Variants in ARNT2 observed in about 807,000 individuals in gnomAD.
ARNT2 encodes the protein ARNT protein 2.
A neutral mutation model predicts 91.7 loss-of-function variants in ARNT2; 36 were observed. That is an observed-to-expected ratio of 0.39 (90% CI 0.30 to 0.52). The LOEUF (loss-of-function observed/expected upper bound fraction) is 0.52, where lower values mean the gene tolerates loss of function less well. ARNT2 is among the 20% of genes least tolerant of loss of function. The pLI, the probability that ARNT2 is intolerant of heterozygous loss-of-function variation, is 0.72. For missense variants in ARNT2, 775 were observed against 939.3 expected (o/e 0.83, Z 2.29); for synonymous variants, 365 against 347.1 (o/e 1.05, Z -0.57).
intron 8 of ARNT2, among the ~76,000 whole-genome samples, chr15:80,522,795 C>CGTGT (rs1566992724): frequency 5.5e-5 from 7 of 127,226 alleles, no homozygotes; most frequent in Middle Eastern, 3.9e-3. Context: ...TTGATATTTA[C>CGTGT]ATATGTGTGT....
chr15:80,553,068 A>G (rs996151001), intron 10 of ARNT2, among the ~76,000 whole-genome samples: 1 of 152,232 alleles, frequency 6.6e-6, no homozygotes, highest in African/African-American at 2.4e-5. Context: ...TCTTATTAAT[A>G]TTCATTACAA....
intron 15 of ARNT2, 76 bp downstream of exon 15, chr15:80,577,041 C>A: frequency 7.0e-7 from 1 of 1,422,100 alleles, no homozygotes; most frequent in Non-Finnish European, 9.9e-7. Flanking sequence ...CAGAGCACAG[C>A]TCTGTGGGCT....
Position 80,513,901 on chromosome 15 carries a change from C to T in ARNT2, c.726-10C>T. The T allele has an allele frequency of 6.2e-7, 1 of 1,610,028 alleles. No individual in the cohort carries two copies. ...TCTTTGCTCATTCTAATACACTTGTCACATCTTAGGTGTGGAAATGCTCCT... is the reference window on the plus strand; with the variant it reads ...TCTTTGCTCATTCTAATACACTTGTTACATCTTAGGTGTGGAAATGCTCCT... On this transcript the variant is annotated splice_polypyrimidine_tract_variant and intron_variant, in intron 6 of 18. Coordinates refer to ENST00000303329, the MANE Select transcript of ARNT2 (RefSeq NM_014862.4).
At chr15:80,479,757 G>A (rs879395311) in intron 5 of ARNT2, among the ~76,000 whole-genome samples, 3 of 152,132 alleles carry the variant, frequency 2.0e-5, no homozygotes, top group African/African-American at 7.2e-5. Context: ...AGTGGTTGCC[G>A]CAAACATCCT....
rs1171018510 is a variant in ARNT2, at chr15:80,513,901, C to A, written c.726-10C>A. On this transcript the variant is annotated splice_polypyrimidine_tract_variant and intron_variant, in intron 6 of 18. Coordinates refer to ENST00000303329, the MANE Select transcript of ARNT2 (RefSeq NM_014862.4). ...TCTTTGCTCATTCTAATACACTTGT[C>A]ACATCTTAGGTGTGGAAATGCTCCT... 1 of 1,610,028 alleles carries A rather than the reference C, an allele frequency of 6.2e-7. No individual in the cohort carries two copies. The highest frequency in any genetic ancestry group is 8.5e-7 in the Non-Finnish European group (1 of 1,176,340).
intron 1 of ARNT2, among the ~76,000 whole-genome samples, chr15:80,432,830 T>A (rs1896029877): frequency 6.6e-6 from 1 of 152,090 alleles, no homozygotes; most frequent in South Asian, 2.1e-4. Context: ...AAGCTCATGC[T>A]CCCCTATCTT....
intron 8 of ARNT2, among the ~76,000 whole-genome samples, chr15:80,523,416 G>A (rs1393619311): frequency 6.6e-6 from 1 of 152,110 alleles, no homozygotes; most frequent in East Asian, 1.9e-4. Flanking sequence ...AGCCTTGTGG[G>A]GGCAGAGGAA....
chr15:80,582,232 T>C lies in ARNT2; in HGVS notation c.1918+828T>C, dbSNP rs189648050. Among the ~76,000 whole-genome samples the C allele has an allele frequency of 2.9e-3, 441 of 151,508 alleles. 3 individuals are homozygous for C. The highest frequency in any genetic ancestry group is 1.0e-2 in the African/African-American group (412 of 41,236). On this transcript the variant is annotated intron_variant, in intron 17 of 18. Transcript: ENST00000303329. ...TGCAGGCAGGGCGCGGTGACTCACA[T>C]CTGTAATCCCAGCACTTTGAAAGGT...
At chr15:80,537,161 T>C (rs1360721993) in intron 8 of ARNT2, among the ~76,000 whole-genome samples, 2 of 152,216 alleles carry the variant, frequency 1.3e-5, no homozygotes, top group South Asian at 2.1e-4. Flanking sequence ...TCACCAGTTC[T>C]GCCACCAGCT....
intron 3 of ARNT2, among the ~76,000 whole-genome samples, chr15:80,466,830 A>G (rs988643378): frequency 5.3e-5 from 8 of 152,264 alleles, no homozygotes; most frequent in Non-Finnish European, 8.8e-5. Flanking sequence ...TTTCTGGACT[A>G]GGCAATAAAT....
intron 12 of ARNT2, among the ~76,000 whole-genome samples, chr15:80,569,838 A>G (rs896455035): frequency 2.0e-5 from 3 of 152,154 alleles, no homozygotes; most frequent in African/African-American, 7.2e-5. Flanking sequence ...TTTGTGCCCC[A>G]CTTCGCCCCT....
chr15:80,561,421 C>T (rs1425316297), intron 11 of ARNT2, among the ~76,000 whole-genome samples: 10 of 152,178 alleles, frequency 6.6e-5, no homozygotes, highest in Admixed American at 6.5e-4. Flanking sequence ...TATATCCCTT[C>T]TTCCATTTGT....
chr15:80,549,735 C>T (rs1898050522), intron 8 of ARNT2, among the ~76,000 whole-genome samples: 1 of 152,158 alleles, frequency 6.6e-6, no homozygotes, highest in Non-Finnish European at 1.5e-5. Flanking sequence ...GGAAGCAGAC[C>T]TCCTATACAT....
At chr15:80,568,982 G>C (rs1037150501) in intron 12 of ARNT2, among the ~76,000 whole-genome samples, 5 of 152,152 alleles carry the variant, frequency 3.3e-5, no homozygotes, top group African/African-American at 1.2e-4. Context: ...GGACCGTGCT[G>C]CTCCCTGCCC....
chr15:80,514,212 C>A, intron 7 of ARNT2, 108 bp from the exon 8 acceptor site: 2 of 1,221,674 alleles, frequency 1.6e-6, no homozygotes, highest in Admixed American at 1.8e-5. Context: ...AGATTCAAAA[C>A]CACAAAGGCA....
rs563098542 is a variant in ARNT2, at chr15:80,463,392, T to C, written c.194+5416T>C. On this transcript the variant is annotated intron_variant, in intron 3 of 18. Transcript: ENST00000303329. ...TCCCTGCCTCTACAGTCTCAGTTCA[T>C]ATGAACCAGACAAGTGTTGCAGATA... Among the ~76,000 whole-genome samples the C allele has an allele frequency of 7.2e-5, 11 of 152,246 alleles. No homozygotes were observed. In the East Asian group the frequency reaches 2.1e-3, roughly 29 times the overall value.
intron 1 of ARNT2, among the ~76,000 whole-genome samples, chr15:80,416,145 C>T (rs1895782272): frequency 6.6e-6 from 1 of 152,242 alleles, no homozygotes; most frequent in South Asian, 2.1e-4. Flanking sequence ...ATGTGTCCAT[C>T]ACAAGGTTTT....
intron 3 of ARNT2, among the ~76,000 whole-genome samples, chr15:80,467,101 T>C (rs922478870): frequency 1.3e-5 from 2 of 152,124 alleles, no homozygotes; most frequent in African/African-American, 4.8e-5. Context: ...GCTGAGGGGT[T>C]TGGAGGCTCA....
chr15:80,569,167 G>A (rs1029244104), intron 12 of ARNT2, among the ~76,000 whole-genome samples: 1 of 152,174 alleles, frequency 6.6e-6, no homozygotes, highest in Admixed American at 6.5e-5. Context: ...CCGCTTCATG[G>A]CTTCTTGCTC....
Sources: allele counts gnomAD v4.1 joint callset (sites outside exome capture counted in the v4.1 genomes callset), GRCh38; gene constraint gnomAD v4.1.1; transcripts MANE v1.5; gene names NCBI Gene and HGNC (gene_info 2026-07-23, HGNC 2026-07-21).